ATXN2: variants seen among roughly 807,000 people sequenced by gnomAD.
The protein encoded by ATXN2 is ataxin-2.
ATXN2 carries 37 observed loss-of-function variants against 138.6 expected under a neutral mutation model. That is an observed-to-expected ratio of 0.27 (90% confidence interval 0.21 to 0.35). The LOEUF is 0.35. Among genes scored for constraint, ATXN2 ranks in the 10% least tolerant of loss-of-function variants. ATXN2 has a pLI of 1.00. For missense variants in ATXN2, 1,216 were observed against 1,480.3 expected, an observed-to-expected ratio of 0.82 and a Z score of 2.93; for synonymous variants, 549 against 543.7, an observed-to-expected ratio of 1.01 and a Z score of -0.13.
chr12:111,508,229 A>ATATGCAGT (rs1231240328), intron 14 of ATXN2, among the ~76,000 whole-genome samples: 1 of 152,082 alleles, frequency 6.6e-6, no homozygotes, highest in Non-Finnish European at 1.5e-5. Context: ...AGATATATTC[A>ATATGCAGT]TATGCAGTAT....
chr12:111,454,171 T>C lies in ATXN2; in HGVS notation c.3271-326A>G, dbSNP rs530810210. The C allele has an allele frequency of 1.5e-5, 3 of 204,768 alleles. No homozygotes were observed. The East Asian group carries it at 3.3e-4, about 22-fold the overall frequency. 12.7% of individuals were successfully genotyped at this position (204,768 alleles called of 1,614,324 possible). A position where few individuals can be genotyped will look rare whatever the true frequency, so the allele number is the denominator to read the frequency against. On this transcript the variant is annotated intron_variant, in intron 23 of 24. Transcript: ENST00000673436. ...ATCTTCACAAAGATTAGACACTGGA[T>C]CCAAGGGCAGCTTTCTCAACTTAAT...
At chr12:111,581,923 A>T (rs1566079074) in intron 1 of ATXN2, 1 of 205,022 alleles carries the variant, frequency 4.9e-6, no homozygotes, top group African/African-American at 2.3e-5. Flanking sequence ...AATGGCATTC[A>T]ATAAACTGCA....
intron 20 of ATXN2, 52 bp downstream of exon 20, chr12:111,470,056 T>G: frequency 6.5e-7 from 1 of 1,539,024 alleles, no homozygotes; most frequent in Non-Finnish European, 8.8e-7. Flanking sequence ...TTCAGAAACT[T>G]AAATTAAGAA....
At chr12:111,504,616 G>T (rs1481118433) in intron 14 of ATXN2, among the ~76,000 whole-genome samples, 1 of 152,076 alleles carries the variant, frequency 6.6e-6, no homozygotes, top group African/African-American at 2.4e-5. Context: ...TTAACAGATG[G>T]TGCTGGGACA....
At chr12:111,580,157 G>T (rs1229474237) in intron 1 of ATXN2, among the ~76,000 whole-genome samples, 9 of 152,008 alleles carry the variant, frequency 5.9e-5, no homozygotes, top group Admixed American at 2.0e-4. Context: ...CAGACAGAAA[G>T]TTCGGTGTGG....
At chr12:111,566,689 T>C (rs1195238763) in intron 1 of ATXN2, among the ~76,000 whole-genome samples, 3 of 150,158 alleles carry the variant, frequency 2.0e-5, no homozygotes, top group African/African-American at 7.4e-5. Context: ...CAGGCTGGAG[T>C]GCAAGGGCAC....
At chr12:111,489,838 G>A (rs1467657289) in intron 14 of ATXN2, among the ~76,000 whole-genome samples, 1 of 152,046 alleles carries the variant, frequency 6.6e-6, no homozygotes, top group Non-Finnish European at 1.5e-5. Flanking sequence ...CCAAGGGTGA[G>A]ACACACATGT....
intron 5 of ATXN2, among the ~76,000 whole-genome samples, chr12:111,525,809 C>T (rs531508523): frequency 1.6e-4 from 24 of 151,736 alleles, no homozygotes; most frequent in Admixed American, 3.9e-4. Context: ...CTCAGTCTCC[C>T]GAGTAGCTGG....
At position 111,470,613 on chromosome 12, in the gene ATXN2, G is replaced by C; in HGVS notation, c.2654C>G (p.Pro885Arg). The C allele has an allele frequency of 1.2e-6, 2 of 1,614,172 alleles. No individual in the cohort carries two copies. The highest frequency in any genetic ancestry group is 1.7e-6 in the Non-Finnish European group (2 of 1,180,030). The stretch of plus-strand genomic sequence containing the variant: ...AAGGGGCTGATTTGGGAACTGCTGA[G>C]GACTGTAGGCAACATATTGCGTGGA... ...AYSTQYVAYS[P>R]QQFPNQPLVQ... is the part of the protein sequence containing the mutation. Residue 885 changes from proline (P) to arginine (R), a missense_variant, in exon 19 of 25, where the codon CCT (proline) becomes CGT (arginine). Transcript: ENST00000673436.
rs368109870 is a variant in ATXN2 at position 111,493,698 on chromosome 12, G to A, written c.1936-4918C>T. On this transcript the variant is annotated intron_variant, in intron 14 of 24. Coordinates refer to ENST00000673436, the MANE Select transcript of ATXN2 (RefSeq NM_001372574.1). ...GGCTGGACGGCAGTGGCGCGATCTC[G>A]GCTAACTGCAACCTCCGCCTCCCAG... is the stretch of plus-strand genomic sequence containing the variant. Among the ~76,000 whole-genome samples, 33 of 151,638 alleles carry A rather than the reference G, an allele frequency of 2.2e-4. 1 individual carries two copies. Among genetic ancestry groups the A allele is most frequent in the Admixed American group, 9.2e-4 (14 of 15,190 alleles).
chr12:111,582,738 C>T (rs781780005), intron 1 of ATXN2, among the ~76,000 whole-genome samples: 52 of 151,036 alleles, frequency 3.4e-4, no homozygotes, highest in African/African-American at 1.2e-3. Context: ...GCACCATCTC[C>T]GCTCACTGCA....
chr12:111,453,440 T>C lies in ATXN2; in HGVS notation c.3439+237A>G. On this transcript the variant is annotated intron_variant, in intron 24 of 24. Transcript: ENST00000673436. This position sits in a 1 kb window ranked among gnomAD's most constrained non-coding sequence, Gnocchi z 5.4. ...TGCATCAGGCTGCTGTTGCTGCTGCTGCTGCTTCTCATCAAGCCAAATCCT... is the reference window on the plus strand; with the variant it reads ...TGCATCAGGCTGCTGTTGCTGCTGCCGCTGCTTCTCATCAAGCCAAATCCT... 1 of 1,256,526 alleles carries C rather than the reference T, an allele frequency of 8.0e-7. No homozygotes were observed. The highest frequency in any genetic ancestry group is 2.7e-5 in the South Asian group (1 of 36,446). The allele number at this position is 1,256,526 out of a possible 1,614,324, so 77.8% of individuals were successfully genotyped here. A position where few individuals can be genotyped will look rare whatever the true frequency, so the allele number is the denominator to read the frequency against.
At chr12:111,573,204 A>T (rs970057748) in intron 1 of ATXN2, among the ~76,000 whole-genome samples, 13 of 151,760 alleles carry the variant, frequency 8.6e-5, no homozygotes, top group African/African-American at 2.9e-4. Context: ...TTATTTATTT[A>T]TTTTTTGAGA....
At position 111,589,127 on chromosome 12, in the gene ATXN2, C is replaced by T. The variant is rs550533379; in HGVS notation, c.251+9657G>A. ...GTCAGGAGTTCGAGACCAGCCTGGC[C>T]AACATGATGAAACCCCATCTCTACT... is the stretch of plus-strand genomic sequence containing the variant. On this transcript the variant is annotated intron_variant, in intron 1 of 24. Coordinates refer to ENST00000673436, the MANE Select transcript of ATXN2 (RefSeq NM_001372574.1). Among the ~76,000 whole-genome samples the T allele has an allele frequency of 3.4e-5, 5 of 149,158 alleles. No homozygotes were observed. The South Asian group carries it at 6.5e-4, about 19-fold the overall frequency.
At chr12:111,520,206 A>T in intron 7 of ATXN2, 130 bp from the exon 8 acceptor site, 2 of 1,194,534 alleles carry the variant, frequency 1.7e-6, no homozygotes, top group Non-Finnish European at 2.3e-6. Context: ...ACTAAAACTA[A>T]AACTAAAAGT....
intron 18 of ATXN2, among the ~76,000 whole-genome samples, chr12:111,479,415 A>AAAG (rs1555231268): frequency 2.7e-5 from 4 of 145,738 alleles, no homozygotes; most frequent in South Asian, 2.1e-4. Context: ...AAAAAAAAAA[A>AAAG]AGAGAGAGAG....
intron 1 of ATXN2, among the ~76,000 whole-genome samples, chr12:111,563,897 C>T (rs1260652040): frequency 6.6e-6 from 1 of 152,132 alleles, no homozygotes; most frequent in African/African-American, 2.4e-5. Flanking sequence ...CTGTTTTCAA[C>T]TCTCCAGTTT....
Position 111,486,767 on chromosome 12 carries a change from G to A in ATXN2, c.2298C>T (p.Phe766=). The A allele has an allele frequency of 6.2e-7, 1 of 1,611,102 alleles. No homozygotes were observed. The highest frequency in any genetic ancestry group is 1.1e-5 in the South Asian group (1 of 90,850). The stretch of plus-strand genomic sequence containing the variant: ...AAGAAAGTAATAAACCTACCTGAGA[G>A]AAGGAACGTGGGTTGAACTCCTTTG... ...PNAKEFNPRS[F]SQPKPSTTPT... is the part of the protein sequence containing the mutation. The change falls in exon 16 of 25, where the codon TTC becomes TTT. Residue 766 remains phenylalanine (F), a synonymous_variant. Transcript: ENST00000673436.
chr12:111,495,563 G>A (rs1463294532), intron 14 of ATXN2, among the ~76,000 whole-genome samples: 1 of 152,086 alleles, frequency 6.6e-6, no homozygotes, highest in Non-Finnish European at 1.5e-5. Context: ...AAATACATAT[G>A]CAACCAATAC....
Sources: allele counts gnomAD v4.1 joint callset (sites outside exome capture counted in the v4.1 genomes callset), GRCh38; gene constraint gnomAD v4.1.1; non-coding constraint Gnocchi (gnomAD v3.1); transcripts MANE v1.5; gene names NCBI Gene and HGNC (gene_info 2026-07-23, HGNC 2026-07-21).